PIR: variants seen among roughly 807,000 people sequenced by gnomAD.
The protein encoded by PIR is pirin (iron-binding nuclear protein).
A neutral mutation model predicts 24.2 loss-of-function variants in PIR; 22 were observed. The observed-to-expected ratio is 0.91, with a 90% CI of 0.65 to 1.30. The LOEUF (loss-of-function observed/expected upper bound fraction) is 1.30. PIR is among the 50% of genes most tolerant of loss of function. The pLI is 0.00. For missense variants in PIR, 220 were observed against 220.3 expected (o/e 1.00, Z 0.01); for synonymous variants, 80 against 79.6 (o/e 1.00, Z -0.03).
chrX:15,439,836 C>T (rs945029825), intron 5 of PIR, among the ~76,000 whole-genome samples: 2 of 112,099 alleles, frequency 1.8e-5, no homozygotes, highest in Admixed American at 1.9e-4. Flanking sequence ...GTCCCTCATA[C>T]TGTTGAAGGA....
chrX:15,435,743 T>G, intron 5 of PIR, among the ~76,000 whole-genome samples: 1 of 112,214 alleles, frequency 8.9e-6, no homozygotes, highest in Non-Finnish European at 1.9e-5. Flanking sequence ...CCAGATCCCA[T>G]TGCCCCTGCA....
At position 15,412,318 on chromosome X, in the gene PIR, C is replaced by G. The variant is rs1298114874; in HGVS notation, c.566-4768G>C. Among the ~76,000 whole-genome samples, 3 of 111,915 alleles carry G rather than the reference C, an allele frequency of 2.7e-5. No individual in the cohort carries two copies. In the Admixed American group the frequency reaches 2.9e-4, roughly 11 times the overall value. On this transcript the variant is annotated intron_variant, in intron 6 of 9. Coordinates refer to ENST00000380420, the MANE Select transcript of PIR (RefSeq NM_001018109.3). Reference sequence around the variant, plus strand: ...TACAGACCAGTTATTTTATAGAATGCCTCTCAGTTTGGGTTTATTTGATGT... The same window carrying G: ...TACAGACCAGTTATTTTATAGAATGGCTCTCAGTTTGGGTTTATTTGATGT...
intron 8 of PIR, among the ~76,000 whole-genome samples, chrX:15,396,779 T>C (rs1043459258): frequency 8.4e-5 from 6 of 71,082 alleles, no homozygotes; most frequent in African/African-American, 2.5e-4. Flanking sequence ...TCTCACTGTG[T>C]TGCCCAGCTG....
At chrX:15,387,426 T>C (rs1370200320) in intron 9 of PIR, among the ~76,000 whole-genome samples, 1 of 110,300 alleles carries the variant, frequency 9.1e-6, no homozygotes, top group Non-Finnish European at 1.9e-5. Flanking sequence ...ATAGAAGTAC[T>C]AGAGACAATA....
At chrX:15,385,611 G>A (rs1238384805) in intron 9 of PIR, among the ~76,000 whole-genome samples, 1 of 112,099 alleles carries the variant, frequency 8.9e-6, no homozygotes, top group Non-Finnish European at 1.9e-5. Context: ...ATAAACAGAA[G>A]ATTATAAAAA....
chrX:15,405,603 G>A (rs1387371988), intron 7 of PIR, among the ~76,000 whole-genome samples: 1 of 111,962 alleles, frequency 8.9e-6, no homozygotes, highest in Non-Finnish European at 1.9e-5. Context: ...TGTTGCTCTT[G>A]AAATCATAAG....
chrX:15,456,727 G>T (rs1290971049), intron 4 of PIR, among the ~76,000 whole-genome samples: 17 of 112,378 alleles, frequency 1.5e-4, no homozygotes, highest in Admixed American at 1.3e-3. Context: ...ACATTTGGAG[G>T]TCCCCAGTAT....
intron 5 of PIR, among the ~76,000 whole-genome samples, chrX:15,448,340 C>T (rs896768606): frequency 1.8e-5 from 2 of 112,371 alleles, no homozygotes; most frequent in Non-Finnish European, 3.8e-5. Context: ...CTAATTGTGC[C>T]TATTCTCAAC....
At chrX:15,458,192 T>C (rs1173791382) in intron 4 of PIR, among the ~76,000 whole-genome samples, 2 of 112,043 alleles carry the variant, frequency 1.8e-5, no homozygotes, top group Non-Finnish European at 3.8e-5. Context: ...GGCAATACTT[T>C]ACCTAAAATG....
intron 5 of PIR, among the ~76,000 whole-genome samples, chrX:15,427,695 C>T (rs187811458): frequency 1.5e-4 from 15 of 97,734 alleles, no homozygotes; most frequent in African/African-American, 5.9e-4. Flanking sequence ...ACAGTACATA[C>T]ACACACACAC....
intron 2 of PIR, among the ~76,000 whole-genome samples, chrX:15,483,122 GA>G (rs771204846): frequency 3.9e-4 from 37 of 95,037 alleles, no homozygotes; most frequent in Admixed American, 3.7e-3. Flanking sequence ...AACTTTCTAT[GA>G]AAAAAACATG....
chrX:15,452,274 T>A (rs774762408), intron 5 of PIR, among the ~76,000 whole-genome samples: 2 of 112,143 alleles, frequency 1.8e-5, no homozygotes, highest in Non-Finnish European at 3.8e-5. Context: ...GAGAATTTCA[T>A]ACTTTCATGA....
At chrX:15,446,611 G>A (rs776199771) in intron 5 of PIR, among the ~76,000 whole-genome samples, 15 of 111,944 alleles carry the variant, frequency 1.3e-4, no homozygotes, top group African/African-American at 4.9e-4. Flanking sequence ...CACCAGGTCA[G>A]TTTTCTCCTT....
At chrX:15,391,817 G>A (rs1923969208) in intron 8 of PIR, among the ~76,000 whole-genome samples, 1 of 111,408 alleles carries the variant, frequency 9.0e-6, no homozygotes, top group South Asian at 3.8e-4. Flanking sequence ...GCTAAGAACG[G>A]CCGCAGCTCC....
At chrX:15,455,752 A>C in intron 5 of PIR, 96 bp downstream of exon 5, 5 of 667,636 alleles carry the variant, frequency 7.5e-6, no homozygotes, top group Non-Finnish European at 1.2e-5. Context: ...ATGGGACATG[A>C]ATTTTGGTAA....
At chrX:15,488,999 T>C (rs1242187492) in intron 2 of PIR, among the ~76,000 whole-genome samples, 1 of 112,161 alleles carries the variant, frequency 8.9e-6, no homozygotes, top group African/African-American at 3.2e-5. Flanking sequence ...TAAATATATT[T>C]ACATTGTACA....
intron 6 of PIR, among the ~76,000 whole-genome samples, chrX:15,420,390 C>CT (rs1430277142): frequency 3.6e-5 from 4 of 111,764 alleles, no homozygotes; most frequent in African/African-American, 1.3e-4. Context: ...ACACTTCCTG[C>CT]TAGTGGGATT....
intron 6 of PIR, among the ~76,000 whole-genome samples, chrX:15,420,013 A>G (rs1925071728): frequency 9.0e-6 from 1 of 111,260 alleles, no homozygotes; most frequent in Admixed American, 9.5e-5. Flanking sequence ...CCTGGGCAAC[A>G]TGGTCAAACC....
chrX:15,409,161 C>T (rs1402044654), intron 6 of PIR, among the ~76,000 whole-genome samples: 2 of 95,727 alleles, frequency 2.1e-5, no homozygotes, highest in Non-Finnish European at 4.0e-5. Flanking sequence ...TGCAGTGGTG[C>T]GATCTCCGCT....
Sources: allele counts gnomAD v4.1 joint callset (sites outside exome capture counted in the v4.1 genomes callset), GRCh38; gene constraint gnomAD v4.1.1; transcripts MANE v1.5; gene names NCBI Gene and HGNC (gene_info 2026-07-23, HGNC 2026-07-21).